ARMH4: variants seen among roughly 807,000 people sequenced by gnomAD.
ARMH4 encodes the protein armadillo-like helical domain-containing protein 4.
A neutral mutation model predicts 61.9 loss-of-function variants in ARMH4; 49 were observed. The observed-to-expected ratio is 0.79, with a 90% CI of 0.63 to 1.00. The LOEUF (loss-of-function observed/expected upper bound fraction) is 1.00, where lower values mean the gene tolerates loss of function less well. Among genes scored for constraint, ARMH4 ranks in the 50% least tolerant of loss-of-function variants. The pLI is 0.00. For missense variants in ARMH4, 934 were observed against 930.0 expected, an observed-to-expected ratio of 1.00 and a Z score of -0.06; for synonymous variants, 368 against 341.5, an observed-to-expected ratio of 1.08 and a Z score of -0.85.
chr14:58,142,459 C>A (rs1887597950), intron 1 of ARMH4, among the ~76,000 whole-genome samples: 1 of 151,624 alleles, frequency 6.6e-6, no homozygotes, highest in South Asian at 2.1e-4. Context: ...TGTTTCTTTT[C>A]TTTTCTTTTC....
At position 58,152,083 on chromosome 14, in the gene ARMH4, C is replaced by T. The variant is rs1811253237; in HGVS notation, c.-65G>A. The T allele has an allele frequency of 6.5e-6, 1 of 153,744 alleles. No individual in the cohort carries two copies. The highest frequency in any genetic ancestry group is 1.5e-5 in the Non-Finnish European group (1 of 68,678). 9.5% of individuals were successfully genotyped at this position (153,744 alleles called of 1,614,324 possible). A position where few individuals can be genotyped will look rare whatever the true frequency, so the allele number is the denominator to read the frequency against. On this transcript the variant is annotated 5_prime_UTR_variant, in exon 1 of 8. Coordinates refer to ENST00000267485, the MANE Select transcript of ARMH4 (RefSeq NM_001001872.4). Reference sequence around the variant, plus strand: ...GCCGGGCCCGTCCTCACCTGTGCGCCTTCAGCTGAGCAGCGCGCGGAGGAC... The same window carrying T: ...GCCGGGCCCGTCCTCACCTGTGCGCTTTCAGCTGAGCAGCGCGCGGAGGAC...
chr14:58,140,873 A>G (rs1367594436), intron 1 of ARMH4, among the ~76,000 whole-genome samples: 1 of 152,192 alleles, frequency 6.6e-6, no homozygotes, highest in South Asian at 2.1e-4. Context: ...ATCACAGTCC[A>G]GCCTGGGCGA....
intron 5 of ARMH4, among the ~76,000 whole-genome samples, chr14:58,028,601 C>G (rs1345634892): frequency 6.6e-6 from 1 of 152,162 alleles, no homozygotes. Flanking sequence ...CTGTCCTCCA[C>G]CAGCCAAGGC....
At chr14:58,106,836 C>A (rs1035387212) in intron 4 of ARMH4, among the ~76,000 whole-genome samples, 2 of 151,106 alleles carry the variant, frequency 1.3e-5, no homozygotes, top group African/African-American at 4.8e-5. Context: ...GCTCAAATAT[C>A]ACAGCAGAGG....
At chr14:58,127,130 A>G (rs1260597167) in intron 4 of ARMH4, among the ~76,000 whole-genome samples, 1 of 152,148 alleles carries the variant, frequency 6.6e-6, no homozygotes, top group Non-Finnish European at 1.5e-5. Context: ...CAGCAAGTCA[A>G]TTATTATGAG....
rs1230715000 is a variant in ARMH4 at position 58,138,596 on chromosome 14, C to A, written c.763G>T (p.Glu255Ter). The A allele has an allele frequency of 6.2e-7, 1 of 1,614,184 alleles. No individual in the cohort carries two copies. The highest frequency in any genetic ancestry group is 1.7e-5 in the Admixed American group (1 of 60,028). ...TCAGCTGTCATCTGCGAAGGCTTCTCCTTATCAGGGGTGAGGCTTCCAGGC... is the reference window on the plus strand; with the variant it reads ...TCAGCTGTCATCTGCGAAGGCTTCTACTTATCAGGGGTGAGGCTTCCAGGC... The part of the protein sequence containing the change: ...SEPGSLTPDK[E>*]KPSQMTADNT... Residue 255 changes from glutamate (E) to a stop codon, truncating the protein, a stop_gained, in exon 2 of 8, where the codon GAG becomes TAG. Transcript: ENST00000267485. LOFTEE classifies it high-confidence loss of function.
chr14:58,065,072 T>A (rs1884659897), intron 5 of ARMH4, among the ~76,000 whole-genome samples: 1 of 152,074 alleles, frequency 6.6e-6, no homozygotes, highest in Non-Finnish European at 1.5e-5. Context: ...TGAAACCCCG[T>A]CTCTACTAAA....
intron 5 of ARMH4, among the ~76,000 whole-genome samples, chr14:58,063,008 A>G (rs1884580885): frequency 1.3e-5 from 2 of 152,226 alleles, no homozygotes; most frequent in Non-Finnish European, 2.9e-5. Context: ...TTTATTCCTC[A>G]GTTCTGAAGA....
At chr14:58,048,118 T>C (rs572033472) in intron 5 of ARMH4, among the ~76,000 whole-genome samples, 2 of 152,278 alleles carry the variant, frequency 1.3e-5, no homozygotes, top group East Asian at 3.9e-4. Flanking sequence ...GAGTATGAAC[T>C]CATACATGTT....
At chr14:58,012,086 A>C (rs775301936) in intron 6 of ARMH4, 33 bp downstream of exon 6, 6 of 1,444,020 alleles carry the variant, frequency 4.2e-6, no homozygotes, top group Non-Finnish European at 4.8e-6. Flanking sequence ...ATGCCCCTAA[A>C]AATAAACCAA....
chr14:58,146,573 G>T (rs1290576032), intron 1 of ARMH4, among the ~76,000 whole-genome samples: 2 of 152,168 alleles, frequency 1.3e-5, no homozygotes, highest in African/African-American at 4.8e-5. Flanking sequence ...TCTGCCACCA[G>T]TGAGCAAGAT....
intron 4 of ARMH4, among the ~76,000 whole-genome samples, chr14:58,124,272 A>T (rs1266860981): frequency 6.6e-6 from 1 of 152,230 alleles, no homozygotes; most frequent in African/African-American, 2.4e-5. Context: ...TTGCCAACAG[A>T]GCAAGACTTT....
chr14:58,041,899 T>A (rs562502307), intron 5 of ARMH4, among the ~76,000 whole-genome samples: 2 of 152,174 alleles, frequency 1.3e-5, no homozygotes, highest in African/African-American at 4.8e-5. Flanking sequence ...GAGGTAACTA[T>A]CTTAAATATA....
At chr14:58,120,973 T>A (rs987215639) in intron 4 of ARMH4, among the ~76,000 whole-genome samples, 3 of 152,202 alleles carry the variant, frequency 2.0e-5, no homozygotes, top group African/African-American at 7.2e-5. Context: ...AGTCACGATA[T>A]ACAGGGTTAA....
intron 5 of ARMH4, among the ~76,000 whole-genome samples, chr14:58,067,042 T>C: frequency 6.6e-6 from 1 of 152,176 alleles, no homozygotes; most frequent in Non-Finnish European, 1.5e-5. Flanking sequence ...TGGAAGAGAA[T>C]AGGCCATTTG....
intron 5 of ARMH4, among the ~76,000 whole-genome samples, chr14:58,075,997 T>C (rs942858840): frequency 1.7e-4 from 26 of 149,524 alleles, no homozygotes; most frequent in African/African-American, 5.9e-4. Flanking sequence ...GAAATGTATG[T>C]TTAAAAACAA....
At chr14:58,041,702 C>T (rs1259658677) in intron 5 of ARMH4, among the ~76,000 whole-genome samples, 1 of 152,124 alleles carries the variant, frequency 6.6e-6, no homozygotes, top group Non-Finnish European at 1.5e-5. Context: ...GGAAATCCAT[C>T]TCATGTGCAG....
At chr14:58,029,454 G>A (rs574355983) in intron 5 of ARMH4, among the ~76,000 whole-genome samples, 4 of 152,100 alleles carry the variant, frequency 2.6e-5, no homozygotes, top group South Asian at 2.1e-4. Context: ...GGCTGGTCTC[G>A]AACTCCTGAC....
At chr14:58,025,305 T>C (rs900667075) in intron 5 of ARMH4, among the ~76,000 whole-genome samples, 4 of 152,192 alleles carry the variant, frequency 2.6e-5, no homozygotes, top group Non-Finnish European at 4.4e-5. Flanking sequence ...TTATAAAACA[T>C]AGCACTCCCA....
Sources: gnomAD v4.1 joint callset for allele counts (sites outside exome capture counted in the v4.1 genomes callset) on GRCh38, gnomAD v4.1.1 for gene constraint, MANE v1.5 for transcripts, NCBI Gene and HGNC (gene_info 2026-07-23, HGNC 2026-07-21) for gene names.